The following NUAK2 variants were observed in gnomAD, a reference collection of about 807,000 sequenced individuals.
NUAK2 encodes the protein NUAK family SNF1-like kinase 2.
In NUAK2, 20 loss-of-function variants were observed where a neutral mutation model predicts 29.8. That is an observed-to-expected ratio of 0.67 (90% CI 0.47 to 0.98). The LOEUF is 0.98. Among genes scored for constraint, NUAK2 ranks in the 50% least tolerant of loss-of-function variants. NUAK2 has a pLI of 0.00. For synonymous variants in NUAK2, 331 were observed against 342.6 expected (o/e 0.97, Z 0.37); for missense variants, 719 against 834.5 (o/e 0.86, Z 1.71).
chr1:205,315,373 G>A (rs1442337988), intron 1 of NUAK2, among the ~76,000 whole-genome samples: 1 of 152,200 alleles, frequency 6.6e-6, no homozygotes, highest in Non-Finnish European at 1.5e-5. Flanking sequence ...TTCAACAATT[G>A]TTTACTGGTG....
In NUAK2 at chr1:205,304,337, C is replaced by A. The variant is rs771694167; in HGVS notation, c.1000G>T (p.Asp334Tyr). 1 of 1,610,272 alleles carries A rather than the reference C, an allele frequency of 6.2e-7. No homozygotes were observed. Among genetic ancestry groups the A allele is most frequent in the South Asian group, 1.1e-5 (1 of 90,668 alleles). The change falls in exon 7 of 7, where the codon GAC (aspartate) becomes TAC (tyrosine). Residue 334 changes from aspartate (D) to tyrosine (Y), a missense_variant. Physicochemically the swap from Asp to Tyr is radical, Grantham distance 160. This residue lies in a region of NUAK2 where 430 missense variants were observed against 465.7 expected (regional missense o/e 0.92). Transcript: ENST00000367157. This position sits in a 1 kb window ranked among gnomAD's most constrained non-coding sequence, Gnocchi z 6.5. ...GGGCGGGAGGAACGCCGGAGCCAGT[C>A]AGCCATGGAGGCGCGGGCAGAGTCA... ...GSDSARASMA[D>Y]WLRRSSRPLL...
chr1:205,311,666 C>G, intron 2 of NUAK2, 39 bp downstream of exon 2: 1 of 1,613,078 alleles, frequency 6.2e-7, no homozygotes, highest in Non-Finnish European at 8.5e-7. Context: ...CATGCACACA[C>G]ATAGACCCCC....
At chr1:205,305,483 T>C (rs1485583975) in intron 5 of NUAK2, 152 bp from the exon 6 acceptor site, 14 of 1,415,794 alleles carry the variant, frequency 9.9e-6, no homozygotes, top group Non-Finnish European at 1.3e-5. Context: ...TCTGAGATGT[T>C]GTCAATCGCA....
chr1:205,305,826 C>A (rs1382818100), intron 5 of NUAK2, among the ~76,000 whole-genome samples: 1 of 152,176 alleles, frequency 6.6e-6, no homozygotes, highest in African/African-American at 2.4e-5. Flanking sequence ...ATTCTCCTGC[C>A]TCAGCCTCCC....
Position 205,308,507 on chromosome 1 carries a change from T to C in NUAK2, c.504+74A>G, listed in dbSNP as rs1363336578. On this transcript the variant is annotated intron_variant, in intron 3 of 6. Transcript: ENST00000367157. This position sits in a 1 kb window ranked among gnomAD's most constrained non-coding sequence, Gnocchi z 4.1. ...GTGATCCTGGACAAGTCATGGAACC[T>C]CTCTGGTCCAAAACAGCCCTAGAGC... 14 of 1,511,586 alleles carry C rather than the reference T, an allele frequency of 9.3e-6. No individual in the cohort carries two copies. The highest frequency in any genetic ancestry group is 1.3e-5 in the Non-Finnish European group (14 of 1,097,120). 93.6% of individuals were successfully genotyped at this position (1,511,586 alleles called of 1,614,324 possible). A position where few individuals can be genotyped will look rare whatever the true frequency, so the allele number is the denominator to read the frequency against.
chr1:205,305,533 C>T, intron 5 of NUAK2: 1 of 985,284 alleles, frequency 1.0e-6, no homozygotes, highest in Non-Finnish European at 1.2e-6. Context: ...GAGCTACAGC[C>T]AGGTCATCTC....
intron 1 of NUAK2, among the ~76,000 whole-genome samples, chr1:205,316,678 T>C (rs1662332812): frequency 6.6e-6 from 1 of 152,158 alleles, no homozygotes; most frequent in African/African-American, 2.4e-5. Context: ...ACTCTAGAAT[T>C]CTATGCTGAA....
At position 205,304,512 on chromosome 1, in the gene NUAK2, ATCTGGAAGACAAAAGGCAGGTGCT is replaced by A; in HGVS notation, c.824-23_824del. ...ACAGCCACCGGATCAGGCCACAGGC[ATCTGGAAGACAAAAGGCAGGTGCT>A]TCAGTTTGGCAGCTCCCAGAATAGG... On this transcript the variant is annotated splice_acceptor_variant and splice_polypyrimidine_tract_variant and coding_sequence_variant and intron_variant, in exon 7 of 7. Coordinates refer to ENST00000367157, the MANE Select transcript of NUAK2 (RefSeq NM_030952.3). LOFTEE classifies it high-confidence loss of function. This position sits in a 1 kb window ranked among gnomAD's most constrained non-coding sequence, Gnocchi z 6.5. 5 of 1,506,830 alleles carry A rather than the reference ATCTGGAAGACAAAAGGCAGGTGCT, an allele frequency of 3.3e-6. No homozygotes were observed. Among genetic ancestry groups the A allele is most frequent in the Non-Finnish European group, 4.4e-6 (5 of 1,128,738 alleles). 93.3% of individuals were successfully genotyped at this position (1,506,830 alleles called of 1,614,324 possible).
intron 1 of NUAK2, among the ~76,000 whole-genome samples, chr1:205,314,846 T>C (rs1464957701): frequency 6.6e-6 from 1 of 152,080 alleles, no homozygotes; most frequent in African/African-American, 2.4e-5. Flanking sequence ...TAAATCATCA[T>C]AGGCTTAGGG....
intron 1 of NUAK2, among the ~76,000 whole-genome samples, chr1:205,319,829 A>G (rs376077255): frequency 1.3e-5 from 2 of 152,090 alleles, no homozygotes; most frequent in African/African-American, 2.4e-5. Flanking sequence ...TCCTTCACCA[A>G]TGAAATGACT....
rs953103668 is a variant in NUAK2 at position 205,303,889 on chromosome 1, G to A, written c.1448C>T (p.Pro483Leu). 6.2e-7 allele frequency: 1 copy of A among 1,614,032 alleles called. No individual in the cohort carries two copies. Among genetic ancestry groups the A allele is most frequent in the Admixed American group, 1.7e-5 (1 of 60,020 alleles). Residue 483 changes from proline (P) to leucine (L), a missense_variant, in exon 7 of 7, where the codon CCC (proline) becomes CTC (leucine). Physicochemically the swap from Pro to Leu is moderately conservative, Grantham distance 98 (BLOSUM62 -3). This residue lies in a region of NUAK2 where 430 missense variants were observed against 465.7 expected (regional missense o/e 0.92). Coordinates refer to ENST00000367157, the MANE Select transcript of NUAK2 (RefSeq NM_030952.3). ...AGCTTGCGGAGGCTTCTGCTCCTTG[G>A]GATCCCCACTCACAAACACGTCGCC... ...DAGDVFVSGD[P>L]KEQKPPQASG...
rs765590770 is a variant in NUAK2, at chr1:205,303,704, C to T, written c.1633G>A (p.Glu545Lys). ...GACTCAGAGGACAGGATGCTGTCCT[C>T]GCTCACAGCCCCTGAGGGTCGGCTG... ...RASRPSGAVS[E>K]DSILSSESFD... The change falls in exon 7 of 7, where the codon GAG becomes AAG. Residue 545 changes from glutamate (E) to lysine (K), a missense_variant. Around this residue, in one of 3 missense-constraint regions of NUAK2, gnomAD observed 430 missense variants for 465.7 expected, o/e 0.92. Transcript: ENST00000367157. The T allele has an allele frequency of 1.9e-5, 29 of 1,540,296 alleles. No individual in the cohort carries two copies. The East Asian group carries it at 4.3e-4, about 23-fold the overall frequency.
intron 1 of NUAK2, among the ~76,000 whole-genome samples, chr1:205,316,001 C>T (rs543766671): frequency 6.6e-6 from 1 of 152,288 alleles, no homozygotes; most frequent in Admixed American, 6.5e-5. Context: ...CTAATATTGC[C>T]CCTTTTACTC....
intron 1 of NUAK2, among the ~76,000 whole-genome samples, chr1:205,315,712 A>C (rs1662317390): frequency 6.6e-6 from 1 of 152,052 alleles, no homozygotes; most frequent in Non-Finnish European, 1.5e-5. Context: ...ATCTCTACTA[A>C]AAATACAAAA....
chr1:205,311,251 T>G (rs1216017051), intron 2 of NUAK2, among the ~76,000 whole-genome samples: 2 of 152,166 alleles, frequency 1.3e-5, no homozygotes, highest in Non-Finnish European at 2.9e-5. Flanking sequence ...GTCTGGCTCT[T>G]GGGACGCATG....
chr1:205,314,993 C>T (rs1662306882), intron 1 of NUAK2, among the ~76,000 whole-genome samples: 1 of 152,204 alleles, frequency 6.6e-6, no homozygotes, highest in Non-Finnish European at 1.5e-5. Context: ...TCTCTTTCAA[C>T]TCCAGAAGCC....
At chr1:205,306,009 C>T (rs548699939) in intron 5 of NUAK2, among the ~76,000 whole-genome samples, 179 bp downstream of exon 5, 15 of 152,336 alleles carry the variant, frequency 9.8e-5, no homozygotes, top group East Asian at 7.7e-4. Flanking sequence ...CCACTGTGCC[C>T]GGCCTAGTTC....
rs1662206048 is a variant in NUAK2, at chr1:205,308,088, A to C, written c.570+77T>G. 5.2e-5 allele frequency: 49 copies of C among 946,446 alleles called. No homozygotes were observed. The highest frequency in any genetic ancestry group is 2.3e-4 in the Middle Eastern group (1 of 4,304). The allele number at this position is 946,446 out of a possible 1,614,324, so 58.6% of individuals were successfully genotyped here. ...TCCTTCAGGAATCCACCAAGAGCTT[A>C]GAGCTACTTGGCTGGGGACAGTGCA... On this transcript the variant is annotated intron_variant, in intron 4 of 6. Coordinates refer to ENST00000367157, the MANE Select transcript of NUAK2 (RefSeq NM_030952.3). The surrounding 1 kb of genome is among the most constrained non-coding windows in gnomAD (Gnocchi z 4.1).
rs538520417 is a variant in NUAK2, at chr1:205,321,359, C to G, written c.231+39G>C. On this transcript the variant is annotated intron_variant, in intron 1 of 6. Transcript: ENST00000367157. ...CTCCGCTCCCTGCCGGCGGCCAAGC[C>G]GGAGCCCGCCCCGCGCCGCGAGAGG... 10 of 1,560,628 alleles carry G rather than the reference C, an allele frequency of 6.4e-6. No individual in the cohort carries two copies. In the African/African-American group the frequency reaches 8.2e-5, roughly 13 times the overall value.
Sources: allele counts gnomAD v4.1 joint callset (sites outside exome capture counted in the v4.1 genomes callset), GRCh38; gene constraint gnomAD v4.1.1; regional missense constraint gnomAD v4.1.1; non-coding constraint Gnocchi (gnomAD v3.1); transcripts MANE v1.5; gene names NCBI Gene and HGNC (gene_info 2026-07-23, HGNC 2026-07-21).